The following THSD7A variants were observed in gnomAD, a reference collection of about 807,000 sequenced individuals.
THSD7A encodes the protein thrombospondin type-1 domain-containing protein 7A.
Under a neutral mutation model 231.3 loss-of-function variants are expected in THSD7A, and 96 were observed. The observed-to-expected ratio is 0.41, with a 90% CI of 0.35 to 0.49. The LOEUF is 0.49. Among genes scored for constraint, THSD7A ranks in the 20% least tolerant of loss-of-function variants. The pLI, the probability that THSD7A is intolerant of heterozygous loss-of-function variation, is 0.05. For missense variants in THSD7A, 2,290 were observed against 2,070.2 expected, an observed-to-expected ratio of 1.11 and a Z score of -2.06; for synonymous variants, 940 against 743.3, an observed-to-expected ratio of 1.26 and a Z score of -4.30.
At chr7:11,776,737 G>A (rs1446866628) in intron 1 of THSD7A, among the ~76,000 whole-genome samples, 1 of 152,132 alleles carries the variant, frequency 6.6e-6, no homozygotes, top group East Asian at 1.9e-4. Flanking sequence ...GAAGTATTCT[G>A]GGAGCTAAAG....
Position 11,412,646 on chromosome 7 carries a change from A to C in THSD7A, c.3682+10T>G. On this transcript the variant is annotated intron_variant, in intron 18 of 27. Transcript: ENST00000423059. ...GACTTAACTCCGTGATCAGATGATGATCCATGTACCTGTTACATTATAATC... is the reference window on the plus strand; with the variant it reads ...GACTTAACTCCGTGATCAGATGATGCTCCATGTACCTGTTACATTATAATC... 6.2e-7 allele frequency: 1 copy of C among 1,613,530 alleles called. No individual in the cohort carries two copies. The highest frequency in any genetic ancestry group is 8.5e-7 in the Non-Finnish European group (1 of 1,179,612).
In THSD7A at chr7:11,518,181, A is replaced by G. The variant is rs146675465; in HGVS notation, c.1822+23238T>C. 1.3e-3 allele frequency among the ~76,000 whole-genome samples: 200 copies of G among 152,302 alleles called. 2 individuals are homozygous for G. Among genetic ancestry groups the G allele is most frequent in the South Asian group, 0.011 (52 of 4,828 alleles). On this transcript the variant is annotated intron_variant, in intron 6 of 27. Coordinates refer to ENST00000423059, the MANE Select transcript of THSD7A (RefSeq NM_015204.3). ...GTTAACCCCTTGCTTTCCCCACATT[A>G]TGTACTATCTTACAGTTTAAATTGG...
At position 11,509,821 on chromosome 7, in the gene THSD7A, C is replaced by CAAAAAAAAAAAAAAAAAAAAAAAA. The variant is rs751048602; in HGVS notation, c.1823-27840_1823-27839insTTTTTTTTTTTTTTTTTTTTTTTT. 1.7e-3 allele frequency among the ~76,000 whole-genome samples: 68 copies of CAAAAAAAAAAAAAAAAAAAAAAAA among 39,910 alleles called. 8 individuals carry two copies. Among genetic ancestry groups the CAAAAAAAAAAAAAAAAAAAAAAAA allele is most frequent in the Non-Finnish European group, 3.1e-3 (51 of 16,248 alleles). The allele number at this position is 39,910 out of a possible 152,430, so 26.2% of individuals were successfully genotyped here. ...TGGGCGACAGAGCCAGAGTCCGTCT[C>CAAAAAAAAAAAAAAAAAAAAAAAA]AAAAAAAAAAAAAAATAACATCTGA... is the stretch of plus-strand genomic sequence containing the variant. On this transcript the variant is annotated intron_variant, in intron 6 of 27. Transcript: ENST00000423059.
chr7:11,781,742 A>AT (rs1783638563), intron 1 of THSD7A, among the ~76,000 whole-genome samples: 1 of 152,246 alleles, frequency 6.6e-6, no homozygotes, highest in South Asian at 2.1e-4. Context: ...CTTTATATTG[A>AT]TAACGACCTA....
chr7:11,725,989 A>G (rs1307708333), intron 1 of THSD7A, among the ~76,000 whole-genome samples: 1 of 152,062 alleles, frequency 6.6e-6, no homozygotes, highest in Non-Finnish European at 1.5e-5. Context: ...ACAAGAAACA[A>G]AGCTCACTAA....
intron 1 of THSD7A, among the ~76,000 whole-genome samples, chr7:11,796,961 G>A (rs1257835538): frequency 6.6e-6 from 1 of 152,020 alleles, no homozygotes; most frequent in Non-Finnish European, 1.5e-5. Flanking sequence ...TTAATGTGTG[G>A]CAGGTAATTT....
At chr7:11,519,750 T>C (rs561751267) in intron 6 of THSD7A, among the ~76,000 whole-genome samples, 1 of 152,312 alleles carries the variant, frequency 6.6e-6, no homozygotes, top group Admixed American at 6.5e-5. Flanking sequence ...CCGATTTTAA[T>C]AGTGTTCTTG....
At chr7:11,517,627 C>T (rs1022552872) in intron 6 of THSD7A, among the ~76,000 whole-genome samples, 4 of 152,112 alleles carry the variant, frequency 2.6e-5, no homozygotes, top group African/African-American at 7.2e-5. Flanking sequence ...TTCTCTTGAT[C>T]TGAGCAGTTG....
At chr7:11,696,576 C>A (rs1584227095) in intron 1 of THSD7A, among the ~76,000 whole-genome samples, 2 of 151,432 alleles carry the variant, frequency 1.3e-5, no homozygotes, top group Admixed American at 1.3e-4. Context: ...TCATAATGCT[C>A]TCCCTCGCCT....
chr7:11,636,109 T>G lies in THSD7A; in HGVS notation c.1022+21A>C. 1 of 1,588,694 alleles carries G rather than the reference T, an allele frequency of 6.3e-7. No homozygotes were observed. The highest frequency in any genetic ancestry group is 1.3e-5 in the African/African-American group (1 of 74,246). On this transcript the variant is annotated intron_variant, in intron 2 of 27. Transcript: ENST00000423059. This position sits in a 1 kb window ranked among gnomAD's most constrained non-coding sequence, Gnocchi z 10.0. ...TTCTTGACAGACAAGCCTGTGTAGT[T>G]AACAGTAATTAAAATGTTACCTTAA...
intron 1 of THSD7A, among the ~76,000 whole-genome samples, chr7:11,718,614 T>C (rs2128151915): frequency 6.6e-6 from 1 of 151,802 alleles, no homozygotes; most frequent in South Asian, 2.1e-4. Flanking sequence ...CTGACTAAAT[T>C]GCTTTAATCC....
chr7:11,535,386 CA>C (rs1788872694), intron 6 of THSD7A, among the ~76,000 whole-genome samples: 1 of 151,768 alleles, frequency 6.6e-6, no homozygotes, highest in Non-Finnish European at 1.5e-5. Context: ...TTTTATAGTC[CA>C]AAATAAAATG....
intron 1 of THSD7A, among the ~76,000 whole-genome samples, chr7:11,725,363 G>A (rs1781512386): frequency 6.6e-6 from 1 of 151,852 alleles, no homozygotes; most frequent in Admixed American, 6.6e-5. Flanking sequence ...AGTTCCTATG[G>A]TGAAGACCCG....
intron 1 of THSD7A, among the ~76,000 whole-genome samples, chr7:11,719,013 A>G (rs1781249768): frequency 6.6e-6 from 1 of 151,682 alleles, no homozygotes; most frequent in African/African-American, 2.4e-5. Context: ...CATTGAAAAA[A>G]GAAGAGCAGG....
chr7:11,541,424 C>T lies in THSD7A; in HGVS notation c.1817G>A (p.Ser606Asn). The T allele has an allele frequency of 6.2e-7, 1 of 1,613,942 alleles. No homozygotes were observed. The highest frequency in any genetic ancestry group is 1.1e-5 in the South Asian group (1 of 91,084). Reference protein sequence around the residue: ...TQVQEVVCINSDGEEVDRQLC... With the variant: ...TQVQEVVCINNDGEEVDRQLC... Reference sequence around the variant, plus strand: ...AATAGATACGTCTGTCTTACCATCACTGTTGATGCACACAACCTCTTGAAC... The same window carrying T: ...AATAGATACGTCTGTCTTACCATCATTGTTGATGCACACAACCTCTTGAAC... The change falls in exon 6 of 28, where the codon AGT becomes AAT. Residue 606 changes from serine (S) to asparagine (N), a missense_variant. Coordinates refer to ENST00000423059, the MANE Select transcript of THSD7A (RefSeq NM_015204.3).
At chr7:11,667,715 T>C (rs1385063420) in intron 1 of THSD7A, among the ~76,000 whole-genome samples, 1 of 152,170 alleles carries the variant, frequency 6.6e-6, no homozygotes, top group Non-Finnish European at 1.5e-5. Flanking sequence ...CATCTATATA[T>C]AAATGTATGA....
At chr7:11,559,245 C>G (rs1789977597) in intron 4 of THSD7A, among the ~76,000 whole-genome samples, 1 of 152,102 alleles carries the variant, frequency 6.6e-6, no homozygotes, top group Admixed American at 6.6e-5. Flanking sequence ...TTGATTTTAG[C>G]TTGGAGAGAT....
intron 1 of THSD7A, among the ~76,000 whole-genome samples, chr7:11,787,451 T>C (rs77601485): frequency 0.028 from 4,246 of 152,146 alleles, 112 homozygotes; most frequent in East Asian, 0.11. Flanking sequence ...GGGAAGACAC[T>C]GCTAAAAGAA....
intron 4 of THSD7A, among the ~76,000 whole-genome samples, chr7:11,587,332 C>T (rs1178880918): frequency 6.6e-6 from 1 of 152,156 alleles, no homozygotes; most frequent in Non-Finnish European, 1.5e-5. Flanking sequence ...GGTTTTACTA[C>T]TGACACTGTC....
Sources: allele counts gnomAD v4.1 joint callset (sites outside exome capture counted in the v4.1 genomes callset), GRCh38; gene constraint gnomAD v4.1.1; non-coding constraint Gnocchi (gnomAD v3.1); transcripts MANE v1.5; gene names NCBI Gene and HGNC (gene_info 2026-07-23, HGNC 2026-07-21).